The following THOP1 variants were observed in gnomAD, a reference collection of about 807,000 sequenced individuals.
The protein encoded by THOP1 is thimet oligopeptidase.
A neutral mutation model predicts 71.8 loss-of-function variants in THOP1; 49 were observed. The ratio of observed to expected loss-of-function variants is 0.68; its 90% CI spans 0.54 to 0.87. The LOEUF (loss-of-function observed/expected upper bound fraction) is 0.87, where lower values mean the gene tolerates loss of function less well. Among genes scored for constraint, THOP1 ranks in the 40% least tolerant of loss-of-function variants. The pLI is 0.00. For synonymous variants in THOP1, 426 were observed against 421.5 expected (o/e 1.01, Z -0.13); for missense variants, 843 against 975.6 (o/e 0.86, Z 1.81).
chr19:2,785,832 T>C (rs961357784), intron 1 of THOP1, among the ~76,000 whole-genome samples, 154 bp downstream of exon 1: 1 of 151,964 alleles, frequency 6.6e-6, no homozygotes, highest in African/African-American at 2.4e-5. Flanking sequence ...CCCTGCTCTC[T>C]CGTTTGCCGA....
At chr19:2,795,391 A>G (rs1372034087) in intron 3 of THOP1, among the ~76,000 whole-genome samples, 2 of 152,212 alleles carry the variant, frequency 1.3e-5, no homozygotes, top group East Asian at 1.9e-4. Flanking sequence ...TGCTCCTCGC[A>G]GTATGCAGTG....
At chr19:2,800,069 G>T (rs536658775) in intron 5 of THOP1, among the ~76,000 whole-genome samples, 1 of 152,354 alleles carries the variant, frequency 6.6e-6, no homozygotes, top group African/African-American at 2.4e-5. Flanking sequence ...TGGCAGTGGC[G>T]GAAGCCCAGG....
intron 5 of THOP1, among the ~76,000 whole-genome samples, chr19:2,802,671 G>A (rs1295071460): frequency 6.6e-6 from 1 of 152,170 alleles, no homozygotes; most frequent in Non-Finnish European, 1.5e-5. Context: ...CACCCAACCA[G>A]AGCAGAGACC....
chr19:2,787,050 C>G (rs1049733030), intron 1 of THOP1: 1 of 152,160 alleles, frequency 6.6e-6, no homozygotes, highest in East Asian at 1.9e-4. Context: ...TCACCACGCC[C>G]GTCACACCTG....
At position 2,799,787 on chromosome 19, in the gene THOP1, G is replaced by T. The variant is rs199869368; in HGVS notation, c.585G>T (p.Glu195Asp). 3 of 1,613,598 alleles carry T rather than the reference G, an allele frequency of 1.9e-6. No homozygotes were observed. The highest frequency in any genetic ancestry group is 2.5e-6 in the Non-Finnish European group (3 of 1,179,820). Residue 195 changes from glutamate (E) to aspartate (D), a missense_variant, in exon 5 of 13, where the codon GAG (glutamate) becomes GAT (aspartate). Transcript: ENST00000307741. Reference protein sequence around the residue: ...DTTFLPFTLQELGGLPEDFLN... With the variant: ...DTTFLPFTLQDLGGLPEDFLN... ...CCTTCCTGCCCTTCACGCTCCAGGA[G>T]CTAGGTAGGGGCCGAGCAGTGGGGC...
At chr19:2,787,781 C>T (rs763139508) in intron 1 of THOP1, among the ~76,000 whole-genome samples, 20 of 152,144 alleles carry the variant, frequency 1.3e-4, no homozygotes, top group Non-Finnish European at 2.4e-4. Context: ...AGTTGGGGGG[C>T]GCTCCTGGTA....
At chr19:2,799,448 G>A (rs1246920226) in intron 4 of THOP1, among the ~76,000 whole-genome samples, 3 of 152,218 alleles carry the variant, frequency 2.0e-5, no homozygotes, top group Non-Finnish European at 1.5e-5. Flanking sequence ...GAGGTTGCCC[G>A]AGGTCACCCA....
chr19:2,808,531 T>C, intron 9 of THOP1, 87 bp downstream of exon 9: 1 of 1,399,664 alleles, frequency 7.1e-7, no homozygotes, highest in Non-Finnish European at 9.5e-7. Context: ...GGGCTTCGGC[T>C]TCCGGCTCTC....
intron 8 of THOP1, 134 bp from the exon 9 acceptor site, chr19:2,808,109 C>A: frequency 9.4e-7 from 1 of 1,068,446 alleles, no homozygotes; most frequent in Non-Finnish European, 1.3e-6. Flanking sequence ...GCCACCTCTG[C>A]TGAGAGGGAG....
chr19:2,785,963 C>G (rs900856520), intron 1 of THOP1, among the ~76,000 whole-genome samples: 2 of 152,176 alleles, frequency 1.3e-5, no homozygotes, highest in Non-Finnish European at 2.9e-5. Context: ...ACTCCAGTCC[C>G]GTTTTCCTGG....
chr19:2,807,088 G>T, intron 7 of THOP1, 36 bp downstream of exon 7: 1 of 1,586,714 alleles, frequency 6.3e-7, no homozygotes, highest in Non-Finnish European at 8.6e-7. Flanking sequence ...GGGTCCCTGT[G>T]GGGAAGGTTC....
rs922958299 is a variant in THOP1, at chr19:2,815,167, C to T, written c.*1891C>T. 35 of 152,262 alleles carry T rather than the reference C, an allele frequency of 2.3e-4. No individual in the cohort carries two copies. Among genetic ancestry groups the T allele is most frequent in the African/African-American group, 7.7e-4 (32 of 41,442 alleles). The allele number at this position is 152,262 out of a possible 1,614,324, so 9.4% of individuals were successfully genotyped here. A position where few individuals can be genotyped will look rare whatever the true frequency, so the allele number is the denominator to read the frequency against. On this transcript the variant is annotated 3_prime_UTR_variant, in exon 13 of 13. Transcript: ENST00000307741. ...CAAGTCTGGGGGCTCCCTCATCTTC[C>T]CCTGCCCCGAGCCCTCAGGTGGCCT...
At chr19:2,799,920 C>T (rs375731464) in intron 5 of THOP1, 129 bp downstream of exon 5, 8 of 814,320 alleles carry the variant, frequency 9.8e-6, no homozygotes, top group African/African-American at 1.7e-5. Context: ...GGCCGAAGTA[C>T]GTGGACCTGA....
chr19:2,785,593 A>AGTGGCCGAG lies in THOP1; in HGVS notation c.-64_-56dup. 1 of 1,474,158 alleles carries AGTGGCCGAG rather than the reference A, an allele frequency of 6.8e-7. No homozygotes were observed. The highest frequency in any genetic ancestry group is 1.3e-5 in the South Asian group (1 of 76,168). The allele number at this position is 1,474,158 out of a possible 1,614,324, so 91.3% of individuals were successfully genotyped here. A position where few individuals can be genotyped will look rare whatever the true frequency, so the allele number is the denominator to read the frequency against. ...CGGTTGGGCCGAGGCAGGCGGCCTCAGTGGCCGAGGTGGCTGGACGCGTAG... is the reference window on the plus strand; with the variant it reads ...CGGTTGGGCCGAGGCAGGCGGCCTCAGTGGCCGAGGTGGCCGAGGTGGCTGGACGCGTAG... On this transcript the variant is annotated 5_prime_UTR_variant, in exon 1 of 13. Transcript: ENST00000307741.
intron 9 of THOP1, 144 bp downstream of exon 9, chr19:2,808,588 G>T: frequency 2.1e-6 from 2 of 951,058 alleles, no homozygotes; most frequent in Non-Finnish European, 1.5e-6. Context: ...CCCAAAGATG[G>T]TGACTCCCTG....
intron 3 of THOP1, among the ~76,000 whole-genome samples, chr19:2,795,510 T>G (rs1296067346): frequency 6.6e-6 from 1 of 152,224 alleles, no homozygotes; most frequent in Non-Finnish European, 1.5e-5. Flanking sequence ...TGTCCCACAG[T>G]CTCAGGATCA....
Position 2,790,545 on chromosome 19 carries a change from G to T in THOP1, c.141G>T (p.Val47=), listed in dbSNP as rs775931045. Residue 47 remains valine, a synonymous_variant, in exon 2 of 13, where the codon GTG becomes GTT. Coordinates refer to ENST00000307741, the MANE Select transcript of THOP1 (RefSeq NM_003249.5). ...TRELIEQTKR[V]YDQVGTQEFE... ...AGCTCATCGAGCAGACCAAGCGCGT[G>T]TATGACCAGGTTGGCACCCAGGAGT... The T allele has an allele frequency of 1.7e-5, 28 of 1,607,868 alleles. No homozygotes were observed. The East Asian group carries it at 6.0e-4, about 35-fold the overall frequency.
intron 2 of THOP1, 127 bp from the exon 3 acceptor site, chr19:2,794,636 GA>G: frequency 8.4e-7 from 1 of 1,188,546 alleles, no homozygotes; most frequent in Non-Finnish European, 1.2e-6. Context: ...AGCTACTTGG[GA>G]GGCTGAGGCA....
intron 2 of THOP1, 124 bp from the exon 3 acceptor site, chr19:2,794,640 C>A: frequency 1.6e-6 from 2 of 1,232,178 alleles, no homozygotes; most frequent in Non-Finnish European, 2.3e-6. Context: ...ACTTGGGAGG[C>A]TGAGGCAGGA....
Sources: gnomAD v4.1 joint callset for allele counts (sites outside exome capture counted in the v4.1 genomes callset) on GRCh38, gnomAD v4.1.1 for gene constraint, MANE v1.5 for transcripts, NCBI Gene and HGNC (gene_info 2026-07-23, HGNC 2026-07-21) for gene names.